Variants in CDH26 observed in about 807,000 individuals in gnomAD.
CDH26 encodes cadherin-like protein 26.
In CDH26, 83 loss-of-function variants were observed where a neutral mutation model predicts 90.3. The observed-to-expected ratio is 0.92, with a 90% CI of 0.77 to 1.10. The LOEUF (loss-of-function observed/expected upper bound fraction) is 1.10. CDH26 is among the 50% of genes least tolerant of loss of function. CDH26 has a pLI of 0.00. For synonymous variants in CDH26, 397 were observed against 396.3 expected (o/e 1.00, Z -0.02); for missense variants, 1,013 against 1,037.6 (o/e 0.98, Z 0.33).
chr20:60,026,290 C>A (rs1232083188), intron 7 of CDH26, among the ~76,000 whole-genome samples: 2 of 151,954 alleles, frequency 1.3e-5, no homozygotes, highest in African/African-American at 4.8e-5. Context: ...AGGTGAATAA[C>A]CAGCTGATTG....
rs1569040977 is a variant in CDH26, at chr20:59,988,956, A to G, written c.1076A>G (p.Asn359Ser). 3 of 1,614,006 alleles carry G rather than the reference A, an allele frequency of 1.9e-6. No individual in the cohort carries two copies. Among genetic ancestry groups the G allele is most frequent in the East Asian group, 2.2e-5 (1 of 44,886 alleles). The change falls in exon 9 of 18, where the codon AAT becomes AGT. Residue 359 changes from asparagine (N) to serine (S), a missense_variant. Asn to Ser is a conservative substitution (Grantham distance 46). Coordinates refer to ENST00000348616, the MANE Select transcript of CDH26 (RefSeq NM_177980.4). ...PAQSLIIVVE[N>S]EERLVFCERG... The stretch of plus-strand genomic sequence containing the variant: ...CAAAGCCTCATCATTGTCGTGGAGA[A>G]TGAGGAGAGGCTCGTCTTCTGTGAG...
At chr20:59,995,359 G>C (rs760632295) in intron 11 of CDH26, among the ~76,000 whole-genome samples, 13 of 152,132 alleles carry the variant, frequency 8.5e-5, no homozygotes, top group Non-Finnish European at 1.9e-4. Context: ...AGGCCCACCA[G>C]GTTGCCTGAC....
At chr20:60,018,673 CCT>C (rs2061926261), downstream of CDH26, among the ~76,000 whole-genome samples, 1 of 79,302 alleles carries the variant, frequency 1.3e-5, no homozygotes, top group South Asian at 4.0e-4. Flanking sequence ...TTTTGTATAT[CCT>C]CTGTTTCTTA....
intron 10 of CDH26, among the ~76,000 whole-genome samples, chr20:59,993,624 T>C (rs1471271010): frequency 6.6e-6 from 1 of 152,278 alleles, no homozygotes; most frequent in African/African-American, 2.4e-5. Flanking sequence ...TAGTATTCCA[T>C]AGTATACATA....
chr20:60,005,532 A>G (rs74378695), intron 16 of CDH26, among the ~76,000 whole-genome samples: 8,389 of 152,164 alleles, frequency 0.055, 533 homozygotes, highest in African/African-American at 0.15. Flanking sequence ...ATATAGCCTC[A>G]TGGACATACA....
exon 9 of CDH26, chr20:60,033,855 C>G: frequency 1.1e-6 from 1 of 930,608 alleles, no homozygotes; most frequent in Non-Finnish European, 1.3e-6. Flanking sequence ...ATAACTTTTC[C>G]TCTGCAAACT....
intron 8 of CDH26, among the ~76,000 whole-genome samples, chr20:59,988,123 T>C (rs2061481368): frequency 6.6e-6 from 1 of 152,190 alleles, no homozygotes; most frequent in South Asian, 2.1e-4. Context: ...GAAGCTGGCC[T>C]GGAAGAAAGT....
intron 8 of CDH26, among the ~76,000 whole-genome samples, chr20:60,031,763 G>C (rs898200121): frequency 1.3e-5 from 2 of 152,196 alleles, no homozygotes; most frequent in African/African-American, 4.8e-5. Flanking sequence ...GTTTATCATG[G>C]AGCTGGGTGG....
intron 1 of CDH26, among the ~76,000 whole-genome samples, chr20:59,963,695 C>T (rs906990195): frequency 5.9e-5 from 9 of 152,086 alleles, no homozygotes; most frequent in African/African-American, 2.2e-4. Flanking sequence ...CTCATCTTCA[C>T]AGAGATTTTC....
At chr20:59,965,298 A>C (rs983335204) in intron 1 of CDH26, among the ~76,000 whole-genome samples, 5 of 152,214 alleles carry the variant, frequency 3.3e-5, no homozygotes, top group Non-Finnish European at 5.9e-5. Context: ...CGGACGAGCC[A>C]ACCAGAGTGG....
rs991468054 is a variant in CDH26, at chr20:59,958,454, G to A, written c.-273G>A. The A allele has an allele frequency of 4.0e-5, 17 of 428,302 alleles. No individual in the cohort carries two copies. The highest frequency in any genetic ancestry group is 3.5e-4 in the African/African-American group (17 of 49,158). 26.5% of individuals were successfully genotyped at this position (428,302 alleles called of 1,614,324 possible). ...TCTTTTGTGTACGTGCAGGACCATG[G>A]TGGCTTTAGTTTCTACCCCACCCTT... On this transcript the variant is annotated 5_prime_UTR_variant, in exon 1 of 18. In the 5' UTR this introduces an upstream ATG that the reference lacks. Transcript: ENST00000348616.
intron 7 of CDH26, among the ~76,000 whole-genome samples, chr20:60,024,322 A>AGGCCAT (rs2061980608): frequency 6.6e-6 from 1 of 152,166 alleles, no homozygotes; most frequent in South Asian, 2.1e-4. Context: ...TGAGAACACA[A>AGGCCAT]GGCCATGGCC....
chr20:59,959,189 C>G (rs568207309), intron 1 of CDH26, among the ~76,000 whole-genome samples: 1 of 152,224 alleles, frequency 6.6e-6, no homozygotes, highest in East Asian at 1.9e-4. Flanking sequence ...CAGCTTTAAC[C>G]TCCCAGGCTC....
chr20:59,962,817 C>T (rs2061093703), intron 1 of CDH26, among the ~76,000 whole-genome samples: 1 of 152,068 alleles, frequency 6.6e-6, no homozygotes, highest in Non-Finnish European at 1.5e-5. Flanking sequence ...AGAACTTGGA[C>T]ATGGGGATGA....
intron 1 of CDH26, among the ~76,000 whole-genome samples, chr20:59,963,810 A>T (rs1345387850): frequency 6.6e-6 from 1 of 152,060 alleles, no homozygotes; most frequent in Non-Finnish European, 1.5e-5. Context: ...CTAGGGTCCA[A>T]ATTCTCCCTG....
intron 4 of CDH26, among the ~76,000 whole-genome samples, chr20:59,979,688 G>A (rs2061371548): frequency 7.8e-6 from 1 of 128,584 alleles, no homozygotes; most frequent in African/African-American, 3.1e-5. Flanking sequence ...GAGCAATGGT[G>A]CGATCTCAGC....
rs1028640328 is a variant in CDH26 at position 59,983,138 on chromosome 20, T to C, written c.541+68T>C. 1.5e-5 allele frequency: 23 copies of C among 1,525,056 alleles called. No homozygotes were observed. The Admixed American group carries it at 4.4e-4, about 29-fold the overall frequency. The allele number at this position is 1,525,056 out of a possible 1,614,324, so 94.5% of individuals were successfully genotyped here. A position where few individuals can be genotyped will look rare whatever the true frequency, so the allele number is the denominator to read the frequency against. Reference sequence around the variant, plus strand: ...CTCTGTTCCTTTTCATTAATATTGATGAGGAGCTTGATCCTAGTCATCTTC... The same window carrying C: ...CTCTGTTCCTTTTCATTAATATTGACGAGGAGCTTGATCCTAGTCATCTTC... On this transcript the variant is annotated intron_variant, in intron 5 of 17. Transcript: ENST00000348616.
intron 4 of CDH26, among the ~76,000 whole-genome samples, chr20:59,977,836 A>G (rs1161821545): frequency 2.0e-5 from 3 of 152,160 alleles, no homozygotes; most frequent in Admixed American, 6.5e-5. Context: ...CTTACGTTTT[A>G]TGGGTTTCGA....
chr20:59,968,051 CTG>C (rs1209962487), intron 1 of CDH26, among the ~76,000 whole-genome samples: 19 of 133,976 alleles, frequency 1.4e-4, no homozygotes, highest in African/African-American at 5.1e-4. Context: ...CTCTCTCTCT[CTG>C]TCTCTCTCTC....
Sources: gnomAD v4.1 joint callset for allele counts (sites outside exome capture counted in the v4.1 genomes callset) on GRCh38, gnomAD v4.1.1 for gene constraint, MANE v1.5 for transcripts, NCBI Gene and HGNC (gene_info 2026-07-23, HGNC 2026-07-21) for gene names.